The following B2M variants were observed in gnomAD, a reference collection of about 807,000 sequenced individuals.
The protein encoded by B2M is beta-2-microglobulin, also known as beta chain of MHC class I molecules.
A neutral mutation model predicts 14.5 loss-of-function variants in B2M; 3 were observed. That is an observed-to-expected ratio of 0.21 (90% confidence interval 0.09 to 0.53). B2M has a LOEUF of 0.53. Ranked by LOEUF, B2M falls within the 20% of genes least tolerant of loss-of-function variation. The probability of loss-of-function intolerance (pLI) is 0.95; values close to 1 mark genes in which losing one functional copy is unlikely to be tolerated. For missense variants in B2M, 107 were observed against 140.8 expected (o/e 0.76, Z 1.21); for synonymous variants, 45 against 52.7 (o/e 0.85, Z 0.64).
chr15:44,711,629 CCTCCCGCTCTGGTCCTTCCT>C lies in B2M; in HGVS notation c.67+28_67+47del, dbSNP rs770430301. 1.9e-6 allele frequency: 3 copies of C among 1,610,200 alleles called. No individual in the cohort carries two copies. The Admixed American group carries it at 5.0e-5, about 27-fold the overall frequency. ...GCTATCCAGCGTGAGTCTCTCCTAC[CCTCCCGCTCTGGTCCTTCCT>C]CTCCCGCTCTGCACCCTCTGTGGCC... On this transcript the variant is annotated intron_variant, in intron 1 of 3. Transcript: ENST00000648006.
At chr15:44,715,288 G>T in intron 1 of B2M, 135 bp from the exon 2 acceptor site, 1 of 1,058,006 alleles carries the variant, frequency 9.5e-7, no homozygotes, top group Non-Finnish European at 1.4e-6. Context: ...AGCTCATTTG[G>T]CCAGAGTGGA....
At chr15:44,711,678 G>A (rs1479262823) in intron 1 of B2M, 65 bp downstream of exon 1, 25 of 1,543,388 alleles carry the variant, frequency 1.6e-5, no homozygotes, top group Admixed American at 1.0e-4. Context: ...TGTGGCCCTC[G>A]CTGTGCTCTC....
At chr15:44,715,971 T>C (rs1005273755) in intron 2 of B2M, 1 of 615,026 alleles carries the variant, frequency 1.6e-6, no homozygotes, top group African/African-American at 1.8e-5. Flanking sequence ...CTTGCACAAA[T>C]ACATATACAC....
Position 44,716,421 on chromosome 15 carries a change from C to T in B2M, c.*14+65C>T. 1.4e-5 allele frequency: 20 copies of T among 1,462,612 alleles called. No individual in the cohort carries two copies. In the South Asian group the frequency reaches 2.3e-4, roughly 17 times the overall value. The allele number at this position is 1,462,612 out of a possible 1,614,324, so 90.6% of individuals were successfully genotyped here. ...TCCTGAGGACTATTTATAGACAGCT[C>T]TAACATGATAACCCTCACTATGTGG... On this transcript the variant is annotated intron_variant, in intron 3 of 3. Transcript: ENST00000648006.
rs776358992 is a variant in B2M at position 44,711,707 on chromosome 15, T to A, written c.67+94T>A. On this transcript the variant is annotated intron_variant, in intron 1 of 3. Transcript: ENST00000648006. ...TGCTCTCTCGCTCCGTGACTTCCCT[T>A]CTCCAAGTTCTCCTTGGTGGCCCGC... 21 of 1,429,004 alleles carry A rather than the reference T, an allele frequency of 1.5e-5. No homozygotes were observed. The African/African-American group carries it at 2.7e-4, about 18-fold the overall frequency. The allele number at this position is 1,429,004 out of a possible 1,614,324, so 88.5% of individuals were successfully genotyped here. A position where few individuals can be genotyped will look rare whatever the true frequency, so the allele number is the denominator to read the frequency against.
chr15:44,711,798 T>C, intron 1 of B2M, 185 bp downstream of exon 1: 2 of 789,852 alleles, frequency 2.5e-6, no homozygotes, highest in South Asian at 2.9e-5. Flanking sequence ...GGGAAGGGGG[T>C]GCGCACCCGG....
rs373604013 is a variant in B2M at position 44,711,955 on chromosome 15, C to T, written c.67+342C>T. The T allele has an allele frequency of 3.6e-5, 17 of 465,824 alleles. No homozygotes were observed. The East Asian group carries it at 5.9e-4, about 16-fold the overall frequency. The allele number at this position is 465,824 out of a possible 1,614,324, so 28.9% of individuals were successfully genotyped here. The stretch of plus-strand genomic sequence containing the variant: ...TTTCTCTTCCGCTCTTTCGCGGGGC[C>T]TCTGGCTCCCCCAGCGCAGCTGGAG... On this transcript the variant is annotated intron_variant, in intron 1 of 3. Transcript: ENST00000648006.
At chr15:44,714,336 C>G (rs1217656681) in intron 1 of B2M, 2 of 152,210 alleles carry the variant, frequency 1.3e-5, no homozygotes, top group Non-Finnish European at 2.9e-5. Context: ...TATTTGCCAG[C>G]TCTTGTATGC....
intron 1 of B2M, 92 bp from the exon 2 acceptor site, chr15:44,715,330 TA>T: frequency 7.0e-7 from 1 of 1,437,552 alleles, no homozygotes; most frequent in Non-Finnish European, 9.7e-7. Flanking sequence ...TGACCAAATG[TA>T]AACACTTGGT....
In B2M at chr15:44,717,668, T is replaced by C. The variant is rs2086958850; in HGVS notation, c.*76T>C. On this transcript the variant is annotated 3_prime_UTR_variant, in exon 4 of 4. Coordinates refer to ENST00000648006, the MANE Select transcript of B2M (RefSeq NM_004048.4). ...AATTCTGCTTGCTTGCTTTTTAATA[T>C]TGATATGCTTATACACTTACACTTT... 1.3e-5 allele frequency: 2 copies of C among 152,264 alleles called. No homozygotes were observed. Among genetic ancestry groups the C allele is most frequent in the Non-Finnish European group, 2.9e-5 (2 of 68,054 alleles). 9.4% of individuals were successfully genotyped at this position (152,264 alleles called of 1,614,324 possible).
chr15:44,713,137 C>T (rs1170416663), intron 1 of B2M: 2 of 152,114 alleles, frequency 1.3e-5, no homozygotes, highest in Non-Finnish European at 2.9e-5. Flanking sequence ...ATCTTGAGCA[C>T]TTTCTAAGTA....
At position 44,711,535 on chromosome 15, in the gene B2M, A is replaced by T. The variant is rs745636375; in HGVS notation, c.-12A>T. 6.2e-7 allele frequency: 1 copy of T among 1,613,564 alleles called. No individual in the cohort carries two copies. Among genetic ancestry groups the T allele is most frequent in the East Asian group, 2.2e-5 (1 of 44,848 alleles). ...GGCGGGCATTCCTGAAGCTGACAGC[A>T]TTCGGGCCGAGATGTCTCGCTCCGT... On this transcript the variant is annotated 5_prime_UTR_variant, in exon 1 of 4. Coordinates refer to ENST00000648006, the MANE Select transcript of B2M (RefSeq NM_004048.4).
intron 1 of B2M, chr15:44,711,979 A>G: frequency 4.8e-6 from 2 of 415,214 alleles, no homozygotes; most frequent in Non-Finnish European, 9.1e-6. Context: ...GCGCAGCTGG[A>G]GTGGGGGACG....
chr15:44,715,978 A>G (rs537826172), intron 2 of B2M: 5 of 606,226 alleles, frequency 8.2e-6, no homozygotes, highest in Middle Eastern at 4.4e-4. Context: ...AAATACATAT[A>G]CACTCTTAAC....
At position 44,718,043 on chromosome 15, in the gene B2M, A is replaced by G. The variant is rs2086963302; in HGVS notation, c.*451A>G. 6.6e-6 allele frequency: 1 copy of G among 152,242 alleles called. No individual in the cohort carries two copies. The highest frequency in any genetic ancestry group is 2.4e-5 in the African/African-American group (1 of 41,464). The allele number at this position is 152,242 out of a possible 1,614,324, so 9.4% of individuals were successfully genotyped here. A position where few individuals can be genotyped will look rare whatever the true frequency, so the allele number is the denominator to read the frequency against. On this transcript the variant is annotated 3_prime_UTR_variant, in exon 4 of 4. Transcript: ENST00000648006. ...TATAATGAATGAAACATTTTGTCAT[A>G]TAAGATTCATATTTACTTCTTATAC...
chr15:44,711,786 T>G (rs1205129012), intron 1 of B2M, 173 bp downstream of exon 1: 2 of 859,452 alleles, frequency 2.3e-6, no homozygotes, highest in African/African-American at 3.3e-5. Flanking sequence ...GGCCTGGGAG[T>G]GGGGAAGGGG....
chr15:44,715,009 T>A, intron 1 of B2M: 1 of 280,200 alleles, frequency 3.6e-6, no homozygotes, highest in Non-Finnish European at 6.9e-6. Context: ...AACTGAGAAA[T>A]GAACTTTGAA....
At chr15:44,711,661 C>A in intron 1 of B2M, 48 bp downstream of exon 1, 1 of 1,575,674 alleles carries the variant, frequency 6.3e-7, no homozygotes, top group Non-Finnish European at 8.7e-7. Flanking sequence ...TCCCGCTCTG[C>A]ACCCTCTGTG....
intron 3 of B2M, 125 bp downstream of exon 3, chr15:44,716,481 G>A: frequency 9.1e-7 from 1 of 1,096,692 alleles, no homozygotes; most frequent in Non-Finnish European, 1.4e-6. Flanking sequence ...AGCAGGGAAA[G>A]AAGAATCCTA....
Sources: gnomAD v4.1 joint callset for allele counts on GRCh38, gnomAD v4.1.1 for gene constraint, MANE v1.5 for transcripts, NCBI Gene and HGNC (gene_info 2026-07-23, HGNC 2026-07-21) for gene names.